The following RNPEPL1 variants were observed in gnomAD, a reference collection of about 807,000 sequenced individuals.
RNPEPL1 encodes the protein arginyl aminopeptidase like 1.
In RNPEPL1, 46 loss-of-function variants were observed where a neutral mutation model predicts 69.0. The observed-to-expected ratio is 0.67, with a 90% CI of 0.53 to 0.85. RNPEPL1 has a LOEUF of 0.85. Among genes scored for constraint, RNPEPL1 ranks in the 40% least tolerant of loss-of-function variants. The probability of loss-of-function intolerance (pLI) is 0.00; values close to 1 mark genes in which losing one functional copy is unlikely to be tolerated. For missense variants in RNPEPL1, 869 were observed against 992.5 expected (o/e 0.88, Z 1.67); for synonymous variants, 525 against 454.1 (o/e 1.16, Z -1.98).
At chr2:240,575,837 G>C (rs555153228) in intron 8 of RNPEPL1, 58 of 556,296 alleles carry the variant, frequency 1.0e-4, no homozygotes, top group African/African-American at 7.3e-4. Context: ...AGCAGGCCGA[G>C]TCAGGCACTC....
intron 3 of RNPEPL1, 48 bp downstream of exon 3, chr2:240,573,309 G>T: frequency 6.6e-7 from 1 of 1,518,710 alleles, no homozygotes; most frequent in Non-Finnish European, 8.8e-7. Context: ...GCCTCGGGGA[G>T]AGCCCCACCG....
chr2:240,576,987 C>T lies in RNPEPL1; in HGVS notation c.1881C>T (p.Ser627=), dbSNP rs747889019. The T allele has an allele frequency of 5.6e-6, 9 of 1,612,914 alleles. No homozygotes were observed. The East Asian group carries it at 8.9e-5, about 16-fold the overall frequency. ...DLHRVRRFLE[S]QMSRMYTIPL... is the part of the protein sequence containing the mutation. ...ACAGGGTGCGGCGCTTCCTGGAGAG[C>T]CAGGTGCGGTCACCTGCCCAGGGGG... is the stretch of plus-strand genomic sequence containing the variant. Residue 627 remains serine (S), a synonymous_variant, in exon 10 of 11, where the codon AGC becomes AGT. Transcript: ENST00000270357.
intron 8 of RNPEPL1, chr2:240,575,991 G>A: frequency 3.5e-6 from 1 of 289,394 alleles, no homozygotes; most frequent in South Asian, 4.2e-5. Context: ...CTGAGGGCTT[G>A]GGGCCCAGGA....
Position 240,572,447 on chromosome 2 carries a change from A to G in RNPEPL1, c.553A>G (p.Thr185Ala). The G allele has an allele frequency of 6.5e-7, 1 of 1,536,142 alleles. No individual in the cohort carries two copies. The highest frequency in any genetic ancestry group is 8.7e-7 in the Non-Finnish European group (1 of 1,146,816). Residue 185 changes from threonine (T) to alanine (A), a missense_variant, in exon 2 of 11, where the codon ACC becomes GCC. Physicochemically the swap from Thr to Ala is moderately conservative, Grantham distance 58. Around this residue, in one of 2 missense-constraint regions of RNPEPL1, gnomAD observed 610 missense variants for 790.9 expected, o/e 0.77. Transcript: ENST00000270357. ...GATCTGGTGGCTGGACCCAGAGCTG[A>G]CCTATGGCTGCGCCAAGCCCTTCGT... is the stretch of plus-strand genomic sequence containing the variant. The part of the protein sequence containing the change: ...PAIWWLDPEL[T>A]YGCAKPFVFT...
Position 240,568,503 on chromosome 2 carries a change from G to A in RNPEPL1, c.-84G>A, listed in dbSNP as rs1051970369. On this transcript the variant is annotated 5_prime_UTR_variant, in exon 1 of 11. Transcript: ENST00000270357. This position sits in a 1 kb window ranked among gnomAD's most constrained non-coding sequence, Gnocchi z 6.2. Reference sequence around the variant, plus strand: ...CGGCGCGACTTCCTGTTGTGCCCGCGCCCCGCCGCCGCCGCCGCCCGGCGC... The same window carrying A: ...CGGCGCGACTTCCTGTTGTGCCCGCACCCCGCCGCCGCCGCCGCCCGGCGC... 6 of 654,918 alleles carry A rather than the reference G, an allele frequency of 9.2e-6. No homozygotes were observed. Among genetic ancestry groups the A allele is most frequent in the Non-Finnish European group, 9.4e-6 (5 of 531,332 alleles). 40.6% of individuals were successfully genotyped at this position (654,918 alleles called of 1,614,324 possible). A position where few individuals can be genotyped will look rare whatever the true frequency, so the allele number is the denominator to read the frequency against.
intron 3 of RNPEPL1, 97 bp downstream of exon 3, chr2:240,573,358 A>G: frequency 7.3e-7 from 1 of 1,373,198 alleles, no homozygotes. Flanking sequence ...CCTGCTGAGG[A>G]CCCCCACTGG....
intron 8 of RNPEPL1, 171 bp from the exon 9 acceptor site, chr2:240,576,364 C>T (rs542760840): frequency 4.8e-5 from 30 of 630,382 alleles, no homozygotes; most frequent in Non-Finnish European, 7.4e-5. Flanking sequence ...CCTTCAGTGG[C>T]TTCAAGTGGC....
chr2:240,575,808 G>A (rs2093035937), intron 8 of RNPEPL1, 198 bp downstream of exon 8: 3 of 586,522 alleles, frequency 5.1e-6, no homozygotes, highest in African/African-American at 1.9e-5. Flanking sequence ...GGCCTCCCTG[G>A]GGCCGGTGGC....
At chr2:240,576,504 C>T in intron 8 of RNPEPL1, 31 bp from the exon 9 acceptor site, 1 of 1,573,914 alleles carries the variant, frequency 6.4e-7, no homozygotes, top group East Asian at 2.3e-5. Flanking sequence ...CTAGCCTGGG[C>T]AGGGACCCCA....
At chr2:240,575,480 A>C in intron 7 of RNPEPL1, 22 bp from the exon 8 acceptor site, 1 of 1,601,764 alleles carries the variant, frequency 6.2e-7, no homozygotes, top group Non-Finnish European at 8.5e-7. Context: ...AGGCCTGCTG[A>C]GGCCCCACCT....
In RNPEPL1 at chr2:240,579,581, A is replaced by G. The variant is rs72999942; in HGVS notation, c.*1689A>G. ...CCCTGTGAAAGCGGGTATGGAGGGCACCTGGCAGCCCCTGCTGCATGGCCA... is the reference window on the plus strand; with the variant it reads ...CCCTGTGAAAGCGGGTATGGAGGGCGCCTGGCAGCCCCTGCTGCATGGCCA... On this transcript the variant is annotated 3_prime_UTR_variant, in exon 11 of 11. Transcript: ENST00000270357. 0.041 allele frequency: 6,271 copies of G among 152,196 alleles called. 156 individuals are homozygous for G. The highest frequency in any genetic ancestry group is 0.076 in the South Asian group (368 of 4,818). The allele number at this position is 152,196 out of a possible 1,614,324, so 9.4% of individuals were successfully genotyped here.
intron 8 of RNPEPL1, 154 bp downstream of exon 8, chr2:240,575,764 G>A: frequency 1.5e-6 from 1 of 652,816 alleles, no homozygotes; most frequent in African/African-American, 1.8e-5. Context: ...TGGGCCCCAG[G>A]CTGGTATGCT....
At position 240,579,568 on chromosome 2, in the gene RNPEPL1, G is replaced by A. The variant is rs1047237189; in HGVS notation, c.*1676G>A. ...TGACTGCAGTAACCCCTGTGAAAGC[G>A]GGTATGGAGGGCACCTGGCAGCCCC... On this transcript the variant is annotated 3_prime_UTR_variant, in exon 11 of 11. Transcript: ENST00000270357. The A allele has an allele frequency of 6.6e-6, 1 of 152,200 alleles. No individual in the cohort carries two copies. The highest frequency in any genetic ancestry group is 2.4e-5 in the African/African-American group (1 of 41,432). 9.4% of individuals were successfully genotyped at this position (152,200 alleles called of 1,614,324 possible).
Position 240,576,555 on chromosome 2 carries a change from C to T in RNPEPL1, c.1531C>T (p.Leu511Phe). Residue 511 changes from leucine (L) to phenylalanine (F), a missense_variant, in exon 9 of 11, where the codon CTC (leucine) becomes TTC (phenylalanine). Around this residue, in one of 2 missense-constraint regions of RNPEPL1, gnomAD observed 610 missense variants for 790.9 expected, o/e 0.77. Transcript: ENST00000270357. Reference sequence around the variant, plus strand: ...TCTAGGGCTGGAATTCGAGCGCTGGCTCAATGCCACAGGCCCGCCGCTGGC... The same window carrying T: ...TCTAGGGCTGGAATTCGAGCGCTGGTTCAATGCCACAGGCCCGCCGCTGGC... ...CRAGLEFERW[L>F]NATGPPLAEP... The T allele has an allele frequency of 1.2e-6, 2 of 1,612,482 alleles. No homozygotes were observed. Among genetic ancestry groups the T allele is most frequent in the Non-Finnish European group, 1.7e-6 (2 of 1,179,770 alleles).
At chr2:240,570,850 C>T (rs1465223136) in intron 1 of RNPEPL1, among the ~76,000 whole-genome samples, 3 of 152,178 alleles carry the variant, frequency 2.0e-5, no homozygotes, top group African/African-American at 7.2e-5. Flanking sequence ...TGCCCCAGCC[C>T]CTCACTTCAG....
chr2:240,574,113 G>A lies in RNPEPL1; in HGVS notation c.939G>A (p.Arg313=), dbSNP rs1237618343. The part of the protein sequence containing the change: ...ERLYGPYMWG[R]YDIVFLPPSF... ...CACCCTCACCGCCCTCCCGGTGCAG[G>A]TACGACATTGTCTTCCTGCCACCCT... is the stretch of plus-strand genomic sequence containing the variant. The change falls in exon 5 of 11, where the codon AGG becomes AGA. Residue 313 remains arginine (R), a splice_region_variant and synonymous_variant. Transcript: ENST00000270357. 1.2e-6 allele frequency: 2 copies of A among 1,612,584 alleles called. No individual in the cohort carries two copies. Among genetic ancestry groups the A allele is most frequent in the East Asian group, 4.5e-5 (2 of 44,854 alleles).
At chr2:240,576,244 T>C (rs1295048057) in intron 8 of RNPEPL1, 4 of 488,930 alleles carry the variant, frequency 8.2e-6, no homozygotes, top group African/African-American at 3.9e-5. Context: ...AGCACTGAGG[T>C]TGGGTTTAGA....
chr2:240,575,744 C>T (rs1010970640), intron 8 of RNPEPL1, 134 bp downstream of exon 8: 3 of 705,376 alleles, frequency 4.3e-6, no homozygotes, highest in Non-Finnish European at 7.4e-6. Context: ...CCAACCCTTG[C>T]TGGACCATGT....
chr2:240,575,673 GCTGC>G (rs2093035582), intron 8 of RNPEPL1, 63 bp downstream of exon 8: 2 of 1,306,620 alleles, frequency 1.5e-6, no homozygotes, highest in Non-Finnish European at 2.2e-6. Flanking sequence ...CGGGGCCTCT[GCTGC>G]CTGAGGGGCC....
Sources: gnomAD v4.1 joint callset for allele counts (sites outside exome capture counted in the v4.1 genomes callset) on GRCh38, gnomAD v4.1.1 for gene constraint, gnomAD v4.1.1 regional missense constraint, Gnocchi (gnomAD v3.1) non-coding constraint, MANE v1.5 for transcripts, NCBI Gene and HGNC (gene_info 2026-07-23, HGNC 2026-07-21) for gene names.